TENM3: variants seen among roughly 807,000 people sequenced by gnomAD.
TENM3 encodes teneurin transmembrane protein 3.
In TENM3, 63 loss-of-function variants were observed where a neutral mutation model predicts 255.1. The observed-to-expected ratio is 0.25, with a 90% confidence interval of 0.20 to 0.30. The LOEUF is 0.30. TENM3 is among the 10% of genes least tolerant of loss of function. The pLI is 1.00. For missense variants in TENM3, 2,929 were observed against 3,461.1 expected, an observed-to-expected ratio of 0.85 and a Z score of 3.86; for synonymous variants, 1,306 against 1,322.3, an observed-to-expected ratio of 0.99 and a Z score of 0.27.
chr4:182,036,055 A>G, the TENM3 span, among the ~76,000 whole-genome samples: 2 of 151,870 alleles, frequency 1.3e-5, no homozygotes, highest in Non-Finnish European at 2.9e-5. Flanking sequence ...GCTCCATCCA[A>G]CCTAGATAAA....
At chr4:182,345,793 A>G (rs1764762862) in intron 2 of TENM3, among the ~76,000 whole-genome samples, 1 of 152,100 alleles carries the variant, frequency 6.6e-6, no homozygotes, top group South Asian at 2.1e-4. Context: ...TATTATGCTC[A>G]ATTTATTAGT....
chr4:182,249,830 T>C (rs1455226161), intron 1 of TENM3, among the ~76,000 whole-genome samples: 1 of 152,088 alleles, frequency 6.6e-6, no homozygotes, highest in Non-Finnish European at 1.5e-5. Flanking sequence ...AGTGGTTCAG[T>C]CATAGCTGAT....
At chr4:181,626,388 T>C in the TENM3 span, among the ~76,000 whole-genome samples, 1 of 152,138 alleles carries the variant, frequency 6.6e-6, no homozygotes, top group African/African-American at 2.4e-5. Flanking sequence ...GACTAATTTA[T>C]ATAAGAAAAT....
At chr4:181,917,837 T>G in the TENM3 span, among the ~76,000 whole-genome samples, 1 of 151,600 alleles carries the variant, frequency 6.6e-6, no homozygotes, top group Non-Finnish European at 1.5e-5. Context: ...AATTTTTGTG[T>G]TTTTAGTAGA....
chr4:182,159,967 A>G (rs535207088), intron 1 of TENM3, among the ~76,000 whole-genome samples: 1 of 152,284 alleles, frequency 6.6e-6, no homozygotes, highest in Non-Finnish European at 1.5e-5. Context: ...TGTGGGAAAA[A>G]CAAATCTACC....
At position 182,793,378 on chromosome 4, in the gene TENM3, G is replaced by A. The variant is rs1358714232; in HGVS notation, c.6706G>A (p.Val2236Ile). 2.5e-6 allele frequency: 4 copies of A among 1,613,734 alleles called. No individual in the cohort carries two copies. Among genetic ancestry groups the A allele is most frequent in the Non-Finnish European group, 2.5e-6 (3 of 1,179,808 alleles). Residue 2236 changes from valine to isoleucine, a missense_variant, in exon 26 of 28, where the codon GTT (valine) becomes ATT (isoleucine). By Grantham distance (29) the Val-to-Ile change is conservative. Transcript: ENST00000511685. The surrounding 1 kb of genome is among the most constrained non-coding windows in gnomAD (Gnocchi z 5.7). ...IYRYDGLGRRVSSKTSLGQHL... is the reference protein window; with the variant it reads ...IYRYDGLGRRISSKTSLGQHL... ...CCGTTATGACGGCCTGGGAAGGCGTGTTTCTAGCAAAACCAGTCTAGGACA... is the reference window on the plus strand; with the variant it reads ...CCGTTATGACGGCCTGGGAAGGCGTATTTCTAGCAAAACCAGTCTAGGACA...
chr4:181,985,835 G>A, the TENM3 span, among the ~76,000 whole-genome samples: 1 of 152,054 alleles, frequency 6.6e-6, no homozygotes, highest in East Asian at 1.9e-4. Flanking sequence ...AGCAAGTGTA[G>A]CCTATAATTC....
chr4:182,303,775 A>G (rs1479291972), intron 1 of TENM3, among the ~76,000 whole-genome samples: 1 of 152,236 alleles, frequency 6.6e-6, no homozygotes, highest in Non-Finnish European at 1.5e-5. Context: ...GGTACTCAAT[A>G]CATTTTAGCT....
intron 10 of TENM3, 97 bp from the exon 11 acceptor site, chr4:182,681,717 A>T: frequency 2.2e-6 from 2 of 902,470 alleles, no homozygotes; most frequent in African/African-American, 1.7e-5. Context: ...TGATTTTCCA[A>T]AATGTTCATA....
the TENM3 span, among the ~76,000 whole-genome samples, chr4:181,575,633 G>C: frequency 6.6e-6 from 1 of 152,176 alleles, no homozygotes; most frequent in East Asian, 1.9e-4. Context: ...AATTTGAAGA[G>C]CAAATTTTTT....
intron 2 of TENM3, among the ~76,000 whole-genome samples, chr4:182,325,648 A>G (rs1419419942): frequency 2.0e-5 from 3 of 152,228 alleles, no homozygotes; most frequent in African/African-American, 4.8e-5. Context: ...AATTTAAAAA[A>G]TAGTAAGTAG....
chr4:181,497,254 G>A, the TENM3 span, among the ~76,000 whole-genome samples: 2 of 152,074 alleles, frequency 1.3e-5, no homozygotes, highest in Non-Finnish European at 2.9e-5. Context: ...CTTGACCTGG[G>A]AATCATTATA....
chr4:181,982,882 A>G, the TENM3 span, among the ~76,000 whole-genome samples: 1 of 152,128 alleles, frequency 6.6e-6, no homozygotes, highest in Non-Finnish European at 1.5e-5. Context: ...AGAGTCTTTG[A>G]TTTACCAAAG....
At chr4:182,133,258 G>C in the TENM3 span, among the ~76,000 whole-genome samples, 11 of 152,334 alleles carry the variant, frequency 7.2e-5, no homozygotes, top group African/African-American at 2.4e-4. Context: ...TGGCAGGATA[G>C]TGATAATGCT....
chr4:182,209,887 T>A (rs2597109), intron 1 of TENM3, among the ~76,000 whole-genome samples: 1 of 151,920 alleles, frequency 6.6e-6, no homozygotes, highest in Non-Finnish European at 1.5e-5. Flanking sequence ...AGTGAAGTCA[T>A]CTGCAGGGGG....
chr4:181,657,867 A>G, the TENM3 span, among the ~76,000 whole-genome samples: 1 of 152,198 alleles, frequency 6.6e-6, no homozygotes, highest in South Asian at 2.1e-4. Flanking sequence ...CATTATCCTA[A>G]GTGAATTAAT....
chr4:182,342,095 C>T (rs1057346291), intron 2 of TENM3, among the ~76,000 whole-genome samples: 5 of 152,134 alleles, frequency 3.3e-5, no homozygotes, highest in Non-Finnish European at 7.4e-5. Flanking sequence ...TCAAAAGGTT[C>T]AATACAGAGT....
At chr4:182,724,211 G>T (rs2309707) in intron 13 of TENM3, among the ~76,000 whole-genome samples, 152,068 of 152,342 alleles carry the variant, frequency 1, 75,897 homozygotes, top group Non-Finnish European at 1. Context: ...TCTATACCAA[G>T]ATAAATTTAA....
chr4:182,397,117 G>T (rs1768879218), intron 3 of TENM3, among the ~76,000 whole-genome samples: 1 of 151,858 alleles, frequency 6.6e-6, no homozygotes, highest in African/African-American at 2.4e-5. Flanking sequence ...AGGAACAGAA[G>T]AGTTAACTGT....
Sources: gnomAD v4.1 joint callset for allele counts (sites outside exome capture counted in the v4.1 genomes callset) on GRCh38, gnomAD v4.1.1 for gene constraint, Gnocchi (gnomAD v3.1) non-coding constraint, MANE v1.5 for transcripts, NCBI Gene and HGNC (gene_info 2026-07-23, HGNC 2026-07-21) for gene names.